Variants in TUSC3 observed in about 807,000 individuals in gnomAD.
TUSC3 encodes dolichyl-diphosphooligosaccharide--protein glycosyltransferase subunit TUSC3.
A neutral mutation model predicts 44.8 loss-of-function variants in TUSC3; 45 were observed. The ratio of observed to expected loss-of-function variants is 1.00; its 90% CI spans 0.79 to 1.29. TUSC3 has a LOEUF of 1.29. TUSC3 is among the 50% of genes most tolerant of loss of function. The pLI is 0.00. For synonymous variants in TUSC3, 212 were observed against 152.9 expected, an observed-to-expected ratio of 1.39 and a Z score of -2.85; for missense variants, 519 against 437.9, an observed-to-expected ratio of 1.19 and a Z score of -1.65.
chr8:15,636,513 C>G (rs1806083957), intron 2 of TUSC3, among the ~76,000 whole-genome samples: 1 of 152,076 alleles, frequency 6.6e-6, no homozygotes, highest in Non-Finnish European at 1.5e-5. Flanking sequence ...TCTTGTGAGG[C>G]AGTTGCCATC....
chr8:15,671,017 G>C (rs569807087), intron 5 of TUSC3, among the ~76,000 whole-genome samples: 3 of 152,072 alleles, frequency 2.0e-5, no homozygotes, highest in South Asian at 2.1e-4. Flanking sequence ...TGAACACACA[G>C]AGGCTCACAG....
intron 2 of TUSC3, among the ~76,000 whole-genome samples, chr8:15,500,336 A>G (rs1284576251): frequency 6.6e-6 from 1 of 152,170 alleles, no homozygotes; most frequent in Non-Finnish European, 1.5e-5. Flanking sequence ...AAAAGCCATT[A>G]TTTTATGTTA....
At chr8:15,613,560 G>T (rs1260992315) in intron 1 of TUSC3, among the ~76,000 whole-genome samples, 7 of 152,120 alleles carry the variant, frequency 4.6e-5, no homozygotes, top group Non-Finnish European at 4.4e-5. Context: ...GCCATGTTAA[G>T]ATGTCCCTTT....
intron 1 of TUSC3, among the ~76,000 whole-genome samples, chr8:15,477,513 G>C (rs944335242): frequency 1.3e-5 from 2 of 152,112 alleles, no homozygotes; most frequent in African/African-American, 4.8e-5. Flanking sequence ...ACGAGGTCAG[G>C]AGATTGAGAC....
the TUSC3 span, among the ~76,000 whole-genome samples, chr8:15,777,290 G>T: frequency 6.6e-6 from 1 of 152,088 alleles, no homozygotes; most frequent in Non-Finnish European, 1.5e-5. Flanking sequence ...AGCTGGGAGG[G>T]GTTACCAAGC....
chr8:15,730,867 A>AT, intron 7 of TUSC3, 138 bp downstream of exon 7: 1 of 732,696 alleles, frequency 1.4e-6, no homozygotes, highest in Middle Eastern at 2.5e-4. Flanking sequence ...ACTAATTTTT[A>AT]TTTTTTATGC....
chr8:15,727,228 T>G (rs1810530888), intron 6 of TUSC3, among the ~76,000 whole-genome samples: 1 of 152,188 alleles, frequency 6.6e-6, no homozygotes, highest in African/African-American at 2.4e-5. Flanking sequence ...AAGTCATTGC[T>G]GCAGGGGCCC....
At chr8:15,805,617 G>A in the TUSC3 span, among the ~76,000 whole-genome samples, 1 of 152,144 alleles carries the variant, frequency 6.6e-6, no homozygotes, top group African/African-American at 2.4e-5. Flanking sequence ...TTCTGTTTAT[G>A]TGACGAATTT....
the TUSC3 span, among the ~76,000 whole-genome samples, chr8:15,845,672 G>A: frequency 1.3e-5 from 2 of 152,124 alleles, no homozygotes; most frequent in African/African-American, 4.8e-5. Flanking sequence ...CAGGGTGGGG[G>A]CAGTATTCAG....
At chr8:15,648,228 G>C (rs974537173) in intron 2 of TUSC3, among the ~76,000 whole-genome samples, 2 of 151,876 alleles carry the variant, frequency 1.3e-5, no homozygotes, top group African/African-American at 4.8e-5. Context: ...GTTTTATTTG[G>C]GCAGTCATAT....
intron 1 of TUSC3, among the ~76,000 whole-genome samples, chr8:15,438,715 T>C (rs73189490): frequency 0.16 from 24,716 of 152,176 alleles, 2,084 homozygotes; most frequent in Middle Eastern, 0.22. Flanking sequence ...CAGTCCTTGC[T>C]CTTATATAGG....
intron 2 of TUSC3, among the ~76,000 whole-genome samples, chr8:15,638,463 C>G (rs537898348): frequency 6.7e-6 from 1 of 149,026 alleles, no homozygotes; most frequent in East Asian, 2.0e-4. Flanking sequence ...AAATTGGAAT[C>G]TGACCACACA....
At chr8:15,719,385 T>C (rs761747749) in intron 6 of TUSC3, among the ~76,000 whole-genome samples, 13 of 151,840 alleles carry the variant, frequency 8.6e-5, no homozygotes, top group African/African-American at 2.4e-4. Flanking sequence ...ATCCTGACCT[T>C]CTTCCTATTT....
At chr8:15,695,075 G>A (rs965372286) in intron 6 of TUSC3, among the ~76,000 whole-genome samples, 12 of 152,224 alleles carry the variant, frequency 7.9e-5, no homozygotes, top group Non-Finnish European at 1.2e-4. Context: ...TGGCAGCGCA[G>A]CGTTTGCGGA....
At chr8:15,774,160 A>G in the TUSC3 span, among the ~76,000 whole-genome samples, 3 of 152,326 alleles carry the variant, frequency 2.0e-5, no homozygotes, top group South Asian at 2.1e-4. Context: ...TATCCAAAAT[A>G]TATAACGAAT....
At chr8:15,510,205 A>T (rs1430924698) in intron 2 of TUSC3, among the ~76,000 whole-genome samples, 1 of 152,202 alleles carries the variant, frequency 6.6e-6, no homozygotes, top group Non-Finnish European at 1.5e-5. Context: ...AAGCAAATTA[A>T]AGCCAAAAGA....
chr8:15,731,260 T>TA (rs1253894611), intron 7 of TUSC3, among the ~76,000 whole-genome samples: 2 of 152,008 alleles, frequency 1.3e-5, no homozygotes, highest in Non-Finnish European at 2.9e-5. Context: ...TGTAACAGGA[T>TA]AAAAAATAGT....
chr8:15,437,687 C>G (rs537293305), intron 1 of TUSC3, among the ~76,000 whole-genome samples: 1 of 152,274 alleles, frequency 6.6e-6, no homozygotes, highest in African/African-American at 2.4e-5. Flanking sequence ...ATAACAGAGG[C>G]AACACTTGGC....
At chr8:15,581,585 T>C (rs1803340768) in intron 1 of TUSC3, among the ~76,000 whole-genome samples, 1 of 149,192 alleles carries the variant, frequency 6.7e-6, no homozygotes, top group East Asian at 2.0e-4. Context: ...CAGTGTGAGG[T>C]GTCAGTGTGC....
Sources: gnomAD v4.1 joint callset for allele counts (sites outside exome capture counted in the v4.1 genomes callset) on GRCh38, gnomAD v4.1.1 for gene constraint, MANE v1.5 for transcripts, NCBI Gene and HGNC (gene_info 2026-07-23, HGNC 2026-07-21) for gene names.